PTPRG: variants seen among roughly 807,000 people sequenced by gnomAD.
PTPRG encodes the protein receptor-type tyrosine-protein phosphatase gamma.
A neutral mutation model predicts 165.3 loss-of-function variants in PTPRG; 102 were observed. The ratio of observed to expected loss-of-function variants is 0.62; its 90% CI spans 0.53 to 0.73. The LOEUF is 0.73. Among genes scored for constraint, PTPRG ranks in the 30% least tolerant of loss-of-function variants. The probability of loss-of-function intolerance (pLI) is 0.00; values close to 1 mark genes in which losing one functional copy is unlikely to be tolerated. For missense variants in PTPRG, 1,866 were observed against 1,861.4 expected (o/e 1.00, Z -0.05); for synonymous variants, 675 against 669.5 (o/e 1.01, Z -0.13).
intron 10 of PTPRG, among the ~76,000 whole-genome samples, chr3:62,199,558 T>C (rs1379041357): frequency 6.6e-6 from 1 of 152,186 alleles, no homozygotes; most frequent in Non-Finnish European, 1.5e-5. Context: ...CCATCTACAA[T>C]ATTGGTGGCA....
chr3:62,263,005 T>C lies in PTPRG; in HGVS notation c.2656+111T>C, dbSNP rs141556581. ...GCAGGATGCCAAGAAAGAATGATTCTTGCAAGCTAACCTCTCATTAGCCCA... is the reference window on the plus strand; with the variant it reads ...GCAGGATGCCAAGAAAGAATGATTCCTGCAAGCTAACCTCTCATTAGCCCA... On this transcript the variant is annotated intron_variant, in intron 17 of 29. Transcript: ENST00000474889. 4.4e-3 allele frequency: 3,409 copies of C among 771,484 alleles called. 20 individuals are homozygous for C. The highest frequency in any genetic ancestry group is 7.5e-3 in the South Asian group (429 of 57,028). The allele number at this position is 771,484 out of a possible 1,614,324, so 47.8% of individuals were successfully genotyped here.
At chr3:61,629,277 C>A (rs146197159) in intron 1 of PTPRG, among the ~76,000 whole-genome samples, 6 of 152,124 alleles carry the variant, frequency 3.9e-5, no homozygotes, top group African/African-American at 1.4e-4. Flanking sequence ...GCCTCAGCCT[C>A]CTGAGTAGCT....
intron 1 of PTPRG, among the ~76,000 whole-genome samples, chr3:61,649,159 C>A (rs1333417253): frequency 6.6e-6 from 1 of 151,298 alleles, no homozygotes; most frequent in Non-Finnish European, 1.5e-5. Context: ...TCCCTCCCTC[C>A]CTTCTTTCCC....
chr3:61,931,051 G>T (rs73098112), intron 2 of PTPRG, among the ~76,000 whole-genome samples: 58 of 152,282 alleles, frequency 3.8e-4, no homozygotes, highest in Non-Finnish European at 6.8e-4. Flanking sequence ...ACAGAGTGCA[G>T]CGCCTAATTC....
At chr3:61,965,333 C>T (rs1575830187) in intron 2 of PTPRG, among the ~76,000 whole-genome samples, 1 of 150,880 alleles carries the variant, frequency 6.6e-6, no homozygotes, top group African/African-American at 2.4e-5. Flanking sequence ...ACTAAAAATA[C>T]AAAAATTAGC....
At chr3:61,607,987 TTACC>T (rs1187379804) in intron 1 of PTPRG, among the ~76,000 whole-genome samples, 7 of 152,128 alleles carry the variant, frequency 4.6e-5, no homozygotes, top group Non-Finnish European at 8.8e-5. Context: ...ATCTTAAACT[TTACC>T]TAATTACTTC....
chr3:62,162,400 T>C (rs1704801640), intron 7 of PTPRG, among the ~76,000 whole-genome samples: 1 of 152,208 alleles, frequency 6.6e-6, no homozygotes, highest in Non-Finnish European at 1.5e-5. Flanking sequence ...CAATTTAATA[T>C]TATAGAAATA....
intron 4 of PTPRG, among the ~76,000 whole-genome samples, chr3:62,045,427 G>A (rs1700257815): frequency 6.6e-6 from 1 of 152,194 alleles, no homozygotes; most frequent in Admixed American, 6.5e-5. Context: ...AAACAGAGAA[G>A]GAAACAAATG....
At chr3:61,672,911 G>C (rs902129995) in intron 1 of PTPRG, among the ~76,000 whole-genome samples, 1 of 152,116 alleles carries the variant, frequency 6.6e-6, no homozygotes, top group South Asian at 2.1e-4. Context: ...TGCAATCCTA[G>C]CACCTTGGGA....
intron 5 of PTPRG, among the ~76,000 whole-genome samples, chr3:62,097,370 A>G (rs1359269360): frequency 1.3e-5 from 2 of 152,232 alleles, no homozygotes; most frequent in Non-Finnish European, 2.9e-5. Context: ...GAAAACCTAA[A>G]TAAGTCCCAC....
chr3:61,701,042 A>G (rs774483968), intron 1 of PTPRG, among the ~76,000 whole-genome samples: 1 of 152,134 alleles, frequency 6.6e-6, no homozygotes, highest in South Asian at 2.1e-4. Flanking sequence ...CTGGAAACCT[A>G]TGCAGTGGGA....
At chr3:61,670,843 G>A (rs537665661) in intron 1 of PTPRG, among the ~76,000 whole-genome samples, 13 of 152,270 alleles carry the variant, frequency 8.5e-5, no homozygotes, top group African/African-American at 1.9e-4. Context: ...AGAGACCTTC[G>A]TTGGCATTTT....
intron 1 of PTPRG, among the ~76,000 whole-genome samples, chr3:61,661,880 T>G (rs1702678369): frequency 6.6e-6 from 1 of 152,220 alleles, no homozygotes; most frequent in Non-Finnish European, 1.5e-5. Flanking sequence ...ACCCAATCCC[T>G]TACTGTTTCT....
chr3:62,078,098 A>T, intron 4 of PTPRG, 65 bp from the exon 5 acceptor site: 76 of 640,796 alleles, frequency 1.2e-4, no homozygotes, highest in Non-Finnish European at 1.8e-4. Context: ...TTATGGTACT[A>T]TTCTCTCAAC....
intron 6 of PTPRG, among the ~76,000 whole-genome samples, chr3:62,136,980 T>TA (rs1259892505): frequency 2.0e-5 from 3 of 152,190 alleles, no homozygotes; most frequent in African/African-American, 4.8e-5. Context: ...TGCTGTGTCT[T>TA]ACATGTTCAT....
chr3:61,948,953 G>A (rs970950642), intron 2 of PTPRG, among the ~76,000 whole-genome samples: 3 of 151,798 alleles, frequency 2.0e-5, no homozygotes, highest in African/African-American at 7.3e-5. Context: ...GAAAGAGAAA[G>A]GCATTTCTTC....
At chr3:61,904,050 G>A (rs2038574702) in intron 2 of PTPRG, among the ~76,000 whole-genome samples, 1 of 152,174 alleles carries the variant, frequency 6.6e-6, no homozygotes, top group African/African-American at 2.4e-5. Context: ...TGGGTGTTCA[G>A]TTTTCCTGCT....
chr3:62,075,739 C>G (rs2106744535), intron 4 of PTPRG, among the ~76,000 whole-genome samples: 1 of 152,218 alleles, frequency 6.6e-6, no homozygotes, highest in African/African-American at 2.4e-5. Flanking sequence ...TTAGCTTTTC[C>G]TTCTGGGACT....
chr3:61,985,241 G>A (rs904933809), intron 2 of PTPRG, among the ~76,000 whole-genome samples: 1 of 152,198 alleles, frequency 6.6e-6, no homozygotes, highest in African/African-American at 2.4e-5. Flanking sequence ...TGCACTGCAG[G>A]AAGTGACTTC....
Sources: gnomAD v4.1 joint callset for allele counts (sites outside exome capture counted in the v4.1 genomes callset) on GRCh38, gnomAD v4.1.1 for gene constraint, MANE v1.5 for transcripts, NCBI Gene and HGNC (gene_info 2026-07-23, HGNC 2026-07-21) for gene names.